Variants in BLTP2 observed in about 807,000 individuals in gnomAD.
BLTP2 encodes U937-associated antigen.
chr17:28,638,525 C>T, the BLTP2 span: 1 of 1,607,916 alleles, frequency 6.2e-7, no homozygotes, highest in Non-Finnish European at 8.5e-7. Context: ...GAGCCTTACC[C>T]AGAGAGATAG....
At chr17:28,623,943 T>C in the BLTP2 span, 10 of 1,613,766 alleles carry the variant, frequency 6.2e-6, no homozygotes, top group Non-Finnish European at 4.2e-6. Context: ...CACAGCCTTC[T>C]GTCTCTGCTC....
At chr17:28,634,029 C>A in the BLTP2 span, 1 of 1,614,170 alleles carries the variant, frequency 6.2e-7, no homozygotes, top group Non-Finnish European at 8.5e-7. Context: ...CACAAGTCGA[C>A]CCATTAGCCG....
chr17:28,615,267 A>G, the BLTP2 span: 3 of 1,575,212 alleles, frequency 1.9e-6, no homozygotes, highest in Non-Finnish European at 2.6e-6. Context: ...GGAGAGGAGT[A>G]AAAGAAAATG....
chr17:28,642,276 A>G, the BLTP2 span: 2 of 1,614,120 alleles, frequency 1.2e-6, no homozygotes, highest in Non-Finnish European at 1.7e-6. Flanking sequence ...CATACTTACC[A>G]GCTGACCACT....
At chr17:28,624,435 GAA>G in the BLTP2 span, 15 of 1,571,916 alleles carry the variant, frequency 9.5e-6, no homozygotes, top group Non-Finnish European at 2.6e-6. Flanking sequence ...GTCTCAAAGG[GAA>G]AGACTTTTCC....
the BLTP2 span, chr17:28,616,065 C>T: frequency 6.5e-7 from 1 of 1,547,782 alleles, no homozygotes; most frequent in African/African-American, 1.4e-5. The surrounding 1 kb of genome is among the most constrained non-coding windows in gnomAD (Gnocchi z 4.8). Flanking sequence ...CCTTCCCACC[C>T]TGTTCTACAA....
chr17:28,645,076 G>A, the BLTP2 span: 3 of 1,574,056 alleles, frequency 1.9e-6, no homozygotes, highest in African/African-American at 1.4e-5. Context: ...GGTCCGGCCC[G>A]GCTTGGCCCC....
chr17:28,614,490 A>C, the BLTP2 span: 1 of 305,100 alleles, frequency 3.3e-6, no homozygotes. Context: ...TCATTTTGCC[A>C]TTCTCCAGGG....
At chr17:28,615,881 G>A in the BLTP2 span, 1 of 1,462,402 alleles carries the variant, frequency 6.8e-7, no homozygotes, top group African/African-American at 1.4e-5. Context: ...CCAGCCACTT[G>A]AGTGCCAAGT....
the BLTP2 span, among the ~76,000 whole-genome samples, chr17:28,624,898 T>A: frequency 6.6e-6 from 1 of 152,180 alleles, no homozygotes; most frequent in Admixed American, 6.6e-5. Flanking sequence ...TTTCTCTTAA[T>A]GGGTTTGTCT....
chr17:28,637,170 C>T, the BLTP2 span: 1 of 1,613,840 alleles, frequency 6.2e-7, no homozygotes, highest in Non-Finnish European at 8.5e-7. Flanking sequence ...CTCTGAAGCA[C>T]CTAACAACCA....
the BLTP2 span, chr17:28,639,896 T>TG: frequency 6.2e-7 from 1 of 1,614,136 alleles, no homozygotes; most frequent in South Asian, 1.1e-5. Context: ...CCCCGACCCA[T>TG]GAACCTTCCA....
At chr17:28,623,658 G>T in the BLTP2 span, 1 of 950,584 alleles carries the variant, frequency 1.1e-6, no homozygotes, top group Non-Finnish European at 1.7e-6. Flanking sequence ...TCATTATTCT[G>T]CTAAGCTAGT....
the BLTP2 span, chr17:28,636,904 G>T: frequency 3.2e-6 from 4 of 1,258,338 alleles, no homozygotes; most frequent in Non-Finnish European, 4.6e-6. Flanking sequence ...AAAAAAGACA[G>T]AGAAAGGCTC....
the BLTP2 span, among the ~76,000 whole-genome samples, chr17:28,630,457 C>T: frequency 4.6e-5 from 7 of 151,410 alleles, no homozygotes; most frequent in East Asian, 1.4e-3. Context: ...CTGAGCCCAG[C>T]CCCCACTGTT....
At chr17:28,644,122 C>A in the BLTP2 span, 2 of 1,614,132 alleles carry the variant, frequency 1.2e-6, no homozygotes, top group African/African-American at 1.3e-5. Flanking sequence ...GCGGAAGGAG[C>A]CAATCTTTAG....
the BLTP2 span, chr17:28,638,759 T>C: frequency 1.5e-6 from 1 of 672,436 alleles, no homozygotes; most frequent in East Asian, 2.5e-5. Flanking sequence ...TTGTGATTCT[T>C]AGGACGAGAC....
the BLTP2 span, among the ~76,000 whole-genome samples, chr17:28,644,361 C>A: frequency 2.0e-5 from 3 of 152,230 alleles, no homozygotes; most frequent in African/African-American, 7.2e-5. Flanking sequence ...TGATCAAGAT[C>A]CTAGCTCCCG....
the BLTP2 span, chr17:28,620,666 G>T: frequency 6.2e-7 from 1 of 1,608,804 alleles, no homozygotes. Flanking sequence ...AAAGGCTCAA[G>T]TTTCTACCTA....
Sources: gnomAD v4.1 joint callset for allele counts (sites outside exome capture counted in the v4.1 genomes callset) on GRCh38, gnomAD v4.1.1 for gene constraint, Gnocchi (gnomAD v3.1) non-coding constraint, MANE v1.5 for transcripts, NCBI Gene and HGNC (gene_info 2026-07-23, HGNC 2026-07-21) for gene names.